PHACTR1: variants seen among roughly 807,000 people sequenced by gnomAD.
The protein encoded by PHACTR1 is RPEL repeat containing 1.
In PHACTR1, 16 loss-of-function variants were observed where a neutral mutation model predicts 69.2. The ratio of observed to expected loss-of-function variants is 0.23; its 90% confidence interval spans 0.16 to 0.35. The LOEUF is 0.35. Ranked by LOEUF, PHACTR1 falls within the 10% of genes least tolerant of loss-of-function variation. The pLI, the probability that PHACTR1 is intolerant of heterozygous loss-of-function variation, is 1.00. For synonymous variants in PHACTR1, 312 were observed against 284.5 expected (o/e 1.10, Z -0.97); for missense variants, 510 against 734.7 (o/e 0.69, Z 3.54).
chr6:13,212,545 G>A (rs1162918354), intron 8 of PHACTR1, among the ~76,000 whole-genome samples: 2 of 152,132 alleles, frequency 1.3e-5, no homozygotes, highest in African/African-American at 2.4e-5. Flanking sequence ...ATGTGGACAG[G>A]AACCATCCTT....
intron 10 of PHACTR1, among the ~76,000 whole-genome samples, chr6:13,234,685 A>T (rs534466779): frequency 8.5e-5 from 13 of 152,370 alleles, no homozygotes; most frequent in African/African-American, 2.9e-4. Context: ...CTGTGCTTCC[A>T]AAAATGTTCA....
At chr6:13,122,298 G>C (rs1818856939) in intron 5 of PHACTR1, among the ~76,000 whole-genome samples, 1 of 152,204 alleles carries the variant, frequency 6.6e-6, no homozygotes, top group African/African-American at 2.4e-5. Context: ...TGCATAACCT[G>C]CTACTGATTG....
At chr6:12,934,078 G>T (rs544628093) in intron 4 of PHACTR1, 2 of 1,207,174 alleles carry the variant, frequency 1.7e-6, no homozygotes, top group African/African-American at 3.1e-5. Flanking sequence ...CGGTCCTTTT[G>T]CAGGCTCTAG....
chr6:12,734,361 A>G (rs1004522334), intron 3 of PHACTR1, among the ~76,000 whole-genome samples: 2 of 152,200 alleles, frequency 1.3e-5, no homozygotes, highest in African/African-American at 4.8e-5. Flanking sequence ...TAGTCTTAAC[A>G]TAATAAATGT....
chr6:13,154,607 G>C (rs952838135), intron 5 of PHACTR1, among the ~76,000 whole-genome samples: 5 of 152,024 alleles, frequency 3.3e-5, no homozygotes, highest in African/African-American at 1.2e-4. Flanking sequence ...TAGAAATACA[G>C]ATGTTTGCTT....
chr6:12,852,804 C>T (rs1479886059), intron 4 of PHACTR1, among the ~76,000 whole-genome samples: 1 of 152,166 alleles, frequency 6.6e-6, no homozygotes, highest in Non-Finnish European at 1.5e-5. Flanking sequence ...AATCATTCCT[C>T]ACTCTGATAG....
intron 8 of PHACTR1, among the ~76,000 whole-genome samples, chr6:13,209,266 T>C (rs962399605): frequency 2.6e-5 from 4 of 152,144 alleles, no homozygotes; most frequent in Admixed American, 1.3e-4. Flanking sequence ...TCCCCCTGAT[T>C]TTTACTGCCT....
At chr6:12,949,770 GA>G (rs1460042431) in intron 4 of PHACTR1, among the ~76,000 whole-genome samples, 2 of 151,874 alleles carry the variant, frequency 1.3e-5, no homozygotes, top group African/African-American at 2.4e-5. Context: ...TCTGTGGTTT[GA>G]AAAAAAATCA....
rs117372146 is a variant in PHACTR1, at chr6:13,263,496, C to A, written c.1392-9364C>A. On this transcript the variant is annotated intron_variant, in intron 10 of 14. Transcript: ENST00000332995. The stretch of plus-strand genomic sequence containing the variant: ...GCCATAGTCCATGGTAAAGAAAAAA[C>A]CATTTGAGGCATGGAAACCATTTTG... Among the ~76,000 whole-genome samples the A allele has an allele frequency of 6.7e-3, 1,019 of 152,154 alleles. 10 individuals carry two copies. Among genetic ancestry groups the A allele is most frequent in the African/African-American group, 0.02 (846 of 41,518 alleles).
At chr6:12,883,058 T>C (rs1326513946) in intron 4 of PHACTR1, among the ~76,000 whole-genome samples, 2 of 152,178 alleles carry the variant, frequency 1.3e-5, no homozygotes, top group East Asian at 3.8e-4. Flanking sequence ...AATCAGAGGC[T>C]GCCAGCAGCA....
chr6:12,794,248 A>G (rs1772694813), intron 4 of PHACTR1, among the ~76,000 whole-genome samples: 1 of 152,256 alleles, frequency 6.6e-6, no homozygotes, highest in Non-Finnish European at 1.5e-5. Flanking sequence ...AAGAGAGATC[A>G]AACTATGAAC....
intron 4 of PHACTR1, among the ~76,000 whole-genome samples, chr6:12,912,021 G>A (rs1246836641): frequency 5.9e-5 from 9 of 152,112 alleles, no homozygotes; most frequent in Admixed American, 3.9e-4. Flanking sequence ...TATTTGAGAC[G>A]GAATCTCGCT....
intron 3 of PHACTR1, among the ~76,000 whole-genome samples, chr6:12,749,173 G>T (rs1172145151): frequency 6.6e-6 from 1 of 152,248 alleles, no homozygotes; most frequent in Non-Finnish European, 1.5e-5. Context: ...AGACCGTAGT[G>T]TGCACTTGGG....
intron 4 of PHACTR1, among the ~76,000 whole-genome samples, chr6:13,039,035 C>T (rs1234341250): frequency 6.6e-6 from 1 of 152,120 alleles, no homozygotes; most frequent in Non-Finnish European, 1.5e-5. Context: ...TATAATAGGC[C>T]ACACCTACCC....
At chr6:13,035,102 C>T (rs1182234246) in intron 4 of PHACTR1, among the ~76,000 whole-genome samples, 2 of 152,070 alleles carry the variant, frequency 1.3e-5, no homozygotes, top group Non-Finnish European at 2.9e-5. Flanking sequence ...ATTTGAGTTA[C>T]TCTTGGCTTT....
chr6:13,206,534 A>G (rs905489690), intron 8 of PHACTR1, among the ~76,000 whole-genome samples: 1 of 152,260 alleles, frequency 6.6e-6, no homozygotes, highest in African/African-American at 2.4e-5. Flanking sequence ...GGTCACAAAA[A>G]TATCACCAAA....
At chr6:13,158,371 C>T (rs1758496891) in intron 5 of PHACTR1, among the ~76,000 whole-genome samples, 1 of 152,174 alleles carries the variant, frequency 6.6e-6, no homozygotes, top group South Asian at 2.1e-4. Context: ...ATGTTTCCTG[C>T]ACCCAGCTTT....
At chr6:13,000,659 GGGGA>G (rs1797989487) in intron 4 of PHACTR1, among the ~76,000 whole-genome samples, 1 of 77,382 alleles carries the variant, frequency 1.3e-5, no homozygotes, top group Non-Finnish European at 2.4e-5. Context: ...GAGGGAGGAA[GGGGA>G]AGGAAGGAAG....
intron 4 of PHACTR1, among the ~76,000 whole-genome samples, chr6:12,904,285 T>G (rs534009560): frequency 1.3e-5 from 2 of 152,214 alleles, no homozygotes; most frequent in East Asian, 3.9e-4. Flanking sequence ...CAGTGGCTCA[T>G]GCCTGTAACC....
Sources: gnomAD v4.1 joint callset for allele counts (sites outside exome capture counted in the v4.1 genomes callset) on GRCh38, gnomAD v4.1.1 for gene constraint, MANE v1.5 for transcripts, NCBI Gene and HGNC (gene_info 2026-07-23, HGNC 2026-07-21) for gene names.